Variants in HDLBP observed in about 807,000 individuals in gnomAD.
HDLBP encodes the protein vigilin.
HDLBP carries 30 observed loss-of-function variants against 137.3 expected under a neutral mutation model. The ratio of observed to expected loss-of-function variants is 0.22; its 90% CI spans 0.16 to 0.30. HDLBP has a LOEUF of 0.30. HDLBP is among the 10% of genes least tolerant of loss of function. The probability of loss-of-function intolerance (pLI) is 1.00; values close to 1 mark genes in which losing one functional copy is unlikely to be tolerated. For synonymous variants in HDLBP, 606 were observed against 596.0 expected (o/e 1.02, Z -0.24); for missense variants, 1,119 against 1,667.3 (o/e 0.67, Z 5.73).
chr2:241,268,072 G>A (rs1412689382), intron 2 of HDLBP: 7 of 612,340 alleles, frequency 1.1e-5, no homozygotes, highest in Non-Finnish European at 1.0e-5. Flanking sequence ...ACACAATTAC[G>A]CATCAATTAC....
Position 241,247,122 on chromosome 2 carries a change from A to G in HDLBP, c.1752T>C (p.Ile584=), listed in dbSNP as rs1282421335. The G allele has an allele frequency of 6.2e-7, 1 of 1,611,686 alleles. No homozygotes were observed. Among genetic ancestry groups the G allele is most frequent in the East Asian group, 2.2e-5 (1 of 44,874 alleles). The part of the protein sequence containing the change: ...VADLVENSYS[I]SVPIFKQFHK... ...GAAACTGTTTGAAGATCGGAACAGA[A>G]ATTGAATAGCTATTTTCCACCTTAA... Residue 584 remains isoleucine, a synonymous_variant, in exon 15 of 28, where the codon ATT becomes ATC. Transcript: ENST00000310931.
At chr2:241,315,122 G>C (rs758046794) in intron 1 of HDLBP, 1 of 152,038 alleles carries the variant, frequency 6.6e-6, no homozygotes, top group South Asian at 2.1e-4. Context: ...ACACCAGAAG[G>C]AGAAAGCTAG....
chr2:241,306,413 C>A (rs1283982818), intron 1 of HDLBP, among the ~76,000 whole-genome samples: 2 of 152,142 alleles, frequency 1.3e-5, no homozygotes, highest in East Asian at 3.9e-4. Context: ...GCATGAGCCA[C>A]CACGCCCGGC....
chr2:241,279,983 T>G (rs537728937), intron 1 of HDLBP: 1 of 985,346 alleles, frequency 1.0e-6, no homozygotes, highest in Admixed American at 6.1e-5. Flanking sequence ...CTGAAGGGGT[T>G]AGGAGGAGCA....
At chr2:241,302,572 T>C (rs554697481) in intron 1 of HDLBP, 2 of 152,364 alleles carry the variant, frequency 1.3e-5, no homozygotes, top group South Asian at 4.1e-4. Context: ...GCCAAATAAA[T>C]GACCCCCTTT....
intron 5 of HDLBP, among the ~76,000 whole-genome samples, chr2:241,261,624 A>G (rs963893851): frequency 1.3e-5 from 2 of 152,222 alleles, no homozygotes; most frequent in African/African-American, 4.8e-5. Context: ...ACTGACTAGC[A>G]GACACCTGGA....
At chr2:241,297,019 A>G (rs2075203820) in intron 1 of HDLBP, among the ~76,000 whole-genome samples, 1 of 152,262 alleles carries the variant, frequency 6.6e-6, no homozygotes, top group South Asian at 2.1e-4. Flanking sequence ...ACAAGAATCC[A>G]ACGGCTCACG....
At position 241,255,414 on chromosome 2, in the gene HDLBP, G is replaced by A; in HGVS notation, c.1040C>T (p.Pro347Leu). 1 of 1,614,228 alleles carries A rather than the reference G, an allele frequency of 6.2e-7. No individual in the cohort carries two copies. Among genetic ancestry groups the A allele is most frequent in the East Asian group, 2.2e-5 (1 of 44,892 alleles). The change falls in exon 8 of 28, where the codon CCT (proline) becomes CTT (leucine). Residue 347 changes from proline to leucine, a missense_variant. Physicochemically the swap from Pro to Leu is moderately conservative, Grantham distance 98. Around this residue, in one of 4 missense-constraint regions of HDLBP, gnomAD observed 425 missense variants for 693.9 expected, o/e 0.61. Coordinates refer to ENST00000310931, the MANE Select transcript of HDLBP (RefSeq NM_005336.6). ...AGTCAACGCCTGACCTAACTTTTCA[G>A]GTTCGCCTCGAAGTATTACAGTCTC... ...ISETVILRGEPEKLGQALTEV... is the reference protein window; with the variant it reads ...ISETVILRGELEKLGQALTEV...
At chr2:241,293,558 G>A (rs1233345172) in intron 1 of HDLBP, among the ~76,000 whole-genome samples, 3 of 151,388 alleles carry the variant, frequency 2.0e-5, no homozygotes, top group African/African-American at 7.3e-5. Flanking sequence ...CCTGCAGTGA[G>A]CCATGATTGC....
chr2:241,273,078 G>T, intron 1 of HDLBP: 1 of 985,524 alleles, frequency 1.0e-6, no homozygotes, highest in Non-Finnish European at 1.2e-6. Context: ...AACCCGAGTG[G>T]AAACAACCGA....
At chr2:241,300,197 GGAA>G (rs1335139688) in intron 1 of HDLBP, among the ~76,000 whole-genome samples, 2 of 152,064 alleles carry the variant, frequency 1.3e-5, no homozygotes, top group Non-Finnish European at 2.9e-5. Context: ...GTCCACATGG[GGAA>G]CTCCCCCCAC....
rs2069595227 is a variant in HDLBP at position 241,230,366 on chromosome 2, A to G, written c.3475-97T>C. 1.3e-6 allele frequency: 1 copy of G among 796,058 alleles called. No homozygotes were observed. The highest frequency in any genetic ancestry group is 2.1e-6 in the Non-Finnish European group (1 of 486,494). 49.3% of individuals were successfully genotyped at this position (796,058 alleles called of 1,614,324 possible). A position where few individuals can be genotyped will look rare whatever the true frequency, so the allele number is the denominator to read the frequency against. On this transcript the variant is annotated intron_variant, in intron 25 of 27. Coordinates refer to ENST00000310931, the MANE Select transcript of HDLBP (RefSeq NM_005336.6). This position sits in a 1 kb window ranked among gnomAD's most constrained non-coding sequence, Gnocchi z 5.0. The stretch of plus-strand genomic sequence containing the variant: ...CTAGTGAAGCATTTTCTGAGTTAGC[A>G]AACGTTTTAAAATCTGGTTTCAGAG...
intron 1 of HDLBP, among the ~76,000 whole-genome samples, chr2:241,308,819 T>C (rs2075667888): frequency 6.6e-6 from 1 of 152,178 alleles, no homozygotes; most frequent in South Asian, 2.1e-4. Flanking sequence ...GTGAATGGTG[T>C]GGCCCATGGT....
chr2:241,258,309 T>G (rs938662484), intron 5 of HDLBP, among the ~76,000 whole-genome samples: 6 of 129,534 alleles, frequency 4.6e-5, no homozygotes, highest in African/African-American at 1.8e-4. Context: ...ATCGCGCCAC[T>G]GCACTCCAGC....
chr2:241,255,989 A>C (rs577722439), intron 7 of HDLBP, among the ~76,000 whole-genome samples, 195 bp downstream of exon 7: 1 of 152,368 alleles, frequency 6.6e-6, no homozygotes, highest in South Asian at 2.1e-4. Flanking sequence ...CGGCAAGGAC[A>C]ACTGCCAGGC....
At chr2:241,311,599 C>A (rs552524182) in intron 1 of HDLBP, among the ~76,000 whole-genome samples, 1 of 152,256 alleles carries the variant, frequency 6.6e-6, no homozygotes, top group East Asian at 1.9e-4. Context: ...CGGACAATTT[C>A]TTGAAAGATT....
chr2:241,238,117 G>A lies in HDLBP; in HGVS notation c.2749+532C>T, dbSNP rs146066906. On this transcript the variant is annotated intron_variant, in intron 20 of 27. Transcript: ENST00000310931. The surrounding 1 kb of genome is among the most constrained non-coding windows in gnomAD (Gnocchi z 4.9). ...CAGAGCAAGTGAGAGAGAGGCAACCGACCCGCATCCCACAGGTCGCCTCCC... is the reference window on the plus strand; with the variant it reads ...CAGAGCAAGTGAGAGAGAGGCAACCAACCCGCATCCCACAGGTCGCCTCCC... 5.2e-3 allele frequency among the ~76,000 whole-genome samples: 797 copies of A among 152,314 alleles called. 5 individuals are homozygous for A. The highest frequency in any genetic ancestry group is 0.014 in the Middle Eastern group (4 of 294).
chr2:241,312,702 G>A (rs2075789000), intron 1 of HDLBP, among the ~76,000 whole-genome samples: 1 of 152,314 alleles, frequency 6.6e-6, no homozygotes, highest in Admixed American at 6.5e-5. Flanking sequence ...TGGGATGGAT[G>A]CACAATGAAC....
chr2:241,280,988 A>C (rs1218757176), intron 1 of HDLBP, among the ~76,000 whole-genome samples: 2 of 152,262 alleles, frequency 1.3e-5, no homozygotes, highest in Non-Finnish European at 2.9e-5. Context: ...ATATTTCTAC[A>C]GCTGAGTAAA....
Sources: gnomAD v4.1 joint callset for allele counts (sites outside exome capture counted in the v4.1 genomes callset) on GRCh38, gnomAD v4.1.1 for gene constraint, gnomAD v4.1.1 regional missense constraint, Gnocchi (gnomAD v3.1) non-coding constraint, MANE v1.5 for transcripts, NCBI Gene and HGNC (gene_info 2026-07-23, HGNC 2026-07-21) for gene names.